Variants in CTSS observed in about 807,000 individuals in gnomAD.
CTSS encodes cathepsin S.
CTSS carries 15 observed loss-of-function variants against 39.9 expected under a neutral mutation model. The ratio of observed to expected loss-of-function variants is 0.38; its 90% CI spans 0.25 to 0.58. CTSS has a LOEUF of 0.58. Ranked by LOEUF, CTSS falls within the 20% of genes least tolerant of loss-of-function variation. CTSS has a pLI of 0.70. For synonymous variants in CTSS, 126 were observed against 138.2 expected (o/e 0.91, Z 0.62); for missense variants, 250 against 398.2 (o/e 0.63, Z 3.17).
intron 7 of CTSS, among the ~76,000 whole-genome samples, chr1:150,738,930 C>T (rs1198499748): frequency 6.6e-6 from 1 of 152,148 alleles, no homozygotes; most frequent in African/African-American, 2.4e-5. Context: ...TGCGGTGGCT[C>T]ACGCTTGTAA....
chr1:150,755,115 C>G lies in CTSS; in HGVS notation c.285G>C (p.Leu95=). Residue 95 remains leucine, a synonymous_variant, in exon 4 of 8, where the codon CTG becomes CTC. Coordinates refer to ENST00000368985, the MANE Select transcript of CTSS (RefSeq NM_004079.5). Reference sequence around the variant, plus strand: ...TTCTCTGCCACTGGCTGGGAACTCTCAGGGAACTCATCAAAGACATCACTT... The same window carrying G: ...TTCTCTGCCACTGGCTGGGAACTCTGAGGGAACTCATCAAAGACATCACTT... The part of the protein sequence containing the change: ...SEEVMSLMSS[L]RVPSQWQRNI... The G allele has an allele frequency of 6.2e-7, 1 of 1,614,172 alleles. No homozygotes were observed. Among genetic ancestry groups the G allele is most frequent in the Non-Finnish European group, 8.5e-7 (1 of 1,180,032 alleles).
intron 7 of CTSS, among the ~76,000 whole-genome samples, chr1:150,733,563 A>G (rs970645996): frequency 6.6e-6 from 1 of 152,214 alleles, no homozygotes; most frequent in African/African-American, 2.4e-5. Context: ...TTGAGTGACT[A>G]CTATGAAAAA....
intron 4 of CTSS, among the ~76,000 whole-genome samples, chr1:150,753,833 G>A (rs926865697): frequency 2.0e-5 from 3 of 151,970 alleles, no homozygotes; most frequent in South Asian, 2.1e-4. Flanking sequence ...TGTAGTCACC[G>A]TGTAGGCTGA....
At chr1:150,761,224 C>A (rs1470318502) in intron 2 of CTSS, among the ~76,000 whole-genome samples, 2 of 147,066 alleles carry the variant, frequency 1.4e-5, no homozygotes, top group Non-Finnish European at 3.0e-5. Context: ...CATCAAAAAA[C>A]TATTAGAACT....
chr1:150,735,755 A>ATTTT (rs146960325), intron 7 of CTSS, among the ~76,000 whole-genome samples: 2 of 126,546 alleles, frequency 1.6e-5, no homozygotes, highest in Non-Finnish European at 3.3e-5. Context: ...TGCTTGGCCA[A>ATTTT]TTTTTTTTTT....
At chr1:150,739,662 TCAA>T (rs10556231) in intron 7 of CTSS, among the ~76,000 whole-genome samples, 138,064 of 149,442 alleles carry the variant, frequency 0.92, 64,433 homozygotes, top group East Asian at 0.99. Context: ...GAGACCTGTC[TCAA>T]CAACAACAAC....
chr1:150,745,313 A>G (rs1404261133), intron 7 of CTSS, among the ~76,000 whole-genome samples: 2 of 152,166 alleles, frequency 1.3e-5, no homozygotes, highest in East Asian at 3.8e-4. Flanking sequence ...AATTAATTAA[A>G]TTAAGATGAG....
chr1:150,751,699 G>A (rs1282058192), intron 5 of CTSS, 82 bp downstream of exon 5: 3 of 1,214,272 alleles, frequency 2.5e-6, no homozygotes, highest in East Asian at 4.7e-5. Context: ...TCAAGCAATT[G>A]GCATGGTGGC....
At chr1:150,742,538 C>T (rs1652789589) in intron 7 of CTSS, among the ~76,000 whole-genome samples, 1 of 152,006 alleles carries the variant, frequency 6.6e-6, no homozygotes, top group Non-Finnish European at 1.5e-5. Context: ...ACCTGGAATG[C>T]CTGGCCAGGA....
chr1:150,757,601 TA>T (rs140967628), intron 3 of CTSS, among the ~76,000 whole-genome samples: 29 of 148,344 alleles, frequency 2.0e-4, no homozygotes, highest in East Asian at 5.8e-4. Context: ...TAGAATTTAT[TA>T]AAAAAAAAAC....
rs587731837 is a variant in CTSS, at chr1:150,733,241, A to G, written c.897-96T>C. ...TTGTTTTTCTCCTATAAGTGATTACATATGAAAGGCCGTAAAACAAAATTA... is the reference window on the plus strand; with the variant it reads ...TTGTTTTTCTCCTATAAGTGATTACGTATGAAAGGCCGTAAAACAAAATTA... On this transcript the variant is annotated intron_variant, in intron 7 of 7. Transcript: ENST00000368985. 23 of 871,176 alleles carry G rather than the reference A, an allele frequency of 2.6e-5. No homozygotes were observed. The South Asian group carries it at 3.6e-4, about 14-fold the overall frequency. The allele number at this position is 871,176 out of a possible 1,614,324, so 54.0% of individuals were successfully genotyped here.
intron 7 of CTSS, among the ~76,000 whole-genome samples, chr1:150,739,597 G>A (rs760526661): frequency 3.3e-5 from 5 of 151,816 alleles, no homozygotes; most frequent in Non-Finnish European, 5.9e-5. Context: ...GGAGGGAGGC[G>A]GAGGTTGCAG....
At chr1:150,761,127 C>T (rs1378897814) in intron 2 of CTSS, among the ~76,000 whole-genome samples, 8 of 145,702 alleles carry the variant, frequency 5.5e-5, no homozygotes, top group South Asian at 4.3e-4. Flanking sequence ...TGCAGTGAGC[C>T]GAGATTGCGC....
In CTSS at chr1:150,736,042, G is replaced by A. The variant is rs1010035303; in HGVS notation, c.897-2897C>T. Among the ~76,000 whole-genome samples the A allele has an allele frequency of 1.2e-4, 18 of 152,118 alleles. 1 individual carries two copies. The highest frequency in any genetic ancestry group is 4.3e-4 in the African/African-American group (18 of 41,416). ...CAAAGTGCTGGGATTACAGGCGTGAGCCACTGCGCCTGGCCCAATTTTTTA... is the reference window on the plus strand; with the variant it reads ...CAAAGTGCTGGGATTACAGGCGTGAACCACTGCGCCTGGCCCAATTTTTTA... On this transcript the variant is annotated intron_variant, in intron 7 of 7. Transcript: ENST00000368985.
intron 7 of CTSS, among the ~76,000 whole-genome samples, chr1:150,735,480 T>C (rs1255242847): frequency 6.6e-6 from 1 of 152,202 alleles, no homozygotes; most frequent in Non-Finnish European, 1.5e-5. Flanking sequence ...TTCCTTTCAC[T>C]TAATTGCCAC....
intron 7 of CTSS, among the ~76,000 whole-genome samples, chr1:150,746,832 G>A (rs587739662): frequency 2.6e-5 from 4 of 152,300 alleles, no homozygotes; most frequent in Admixed American, 2.6e-4. Flanking sequence ...AGGAGGTGAG[G>A]CTGGCAAGGC....
chr1:150,751,904 C>A lies in CTSS; in HGVS notation c.504G>T (p.Val168=), dbSNP rs755498502. The part of the protein sequence containing the change: ...KLVSLSAQNL[V]DCSTEKYGNK... ...TTCCATATTTTTCAGTTGAGCAATC[C>A]ACCAGGTTCTGGGCACTGAGAGACA... is the stretch of plus-strand genomic sequence containing the variant. The change falls in exon 5 of 8, where the codon GTG becomes GTT. Residue 168 remains valine, a synonymous_variant. Coordinates refer to ENST00000368985, the MANE Select transcript of CTSS (RefSeq NM_004079.5). The A allele has an allele frequency of 6.2e-7, 1 of 1,614,168 alleles. No homozygotes were observed. The highest frequency in any genetic ancestry group is 1.1e-5 in the South Asian group (1 of 91,084).
At chr1:150,760,585 C>T (rs1228039735) in intron 2 of CTSS, among the ~76,000 whole-genome samples, 1 of 152,158 alleles carries the variant, frequency 6.6e-6, no homozygotes, top group African/African-American at 2.4e-5. Context: ...TTGTTGATAA[C>T]ATGATCATAT....
Position 150,747,878 on chromosome 1 carries a change from A to C in CTSS, c.795T>G (p.Gly265=). The C allele has an allele frequency of 1.2e-6, 2 of 1,600,176 alleles. No individual in the cohort carries two copies. The highest frequency in any genetic ancestry group is 1.3e-5 in the African/African-American group (1 of 74,744). Residue 265 remains glycine (G), a splice_region_variant and synonymous_variant, in exon 7 of 8, where the codon GGT becomes GGG. Coordinates refer to ENST00000368985, the MANE Select transcript of CTSS (RefSeq NM_004079.5). The part of the protein sequence containing the change: ...RHPSFFLYRS[G]VYYEPSCTQN... ...GAGTACAGGATGGTTCATAGTAGAC[A>C]CCTGAGAATCAAATATGGGTGGGAA... is the stretch of plus-strand genomic sequence containing the variant.
Sources: gnomAD v4.1 joint callset for allele counts (sites outside exome capture counted in the v4.1 genomes callset) on GRCh38, gnomAD v4.1.1 for gene constraint, MANE v1.5 for transcripts, NCBI Gene and HGNC (gene_info 2026-07-23, HGNC 2026-07-21) for gene names.